CPEB1: variants seen among roughly 807,000 people sequenced by gnomAD.
The protein encoded by CPEB1 is cytoplasmic polyadenylation element-binding protein 1.
A neutral mutation model predicts 65.8 loss-of-function variants in CPEB1; 7 were observed. The ratio of observed to expected loss-of-function variants is 0.11; its 90% CI spans 0.06 to 0.20. The LOEUF (loss-of-function observed/expected upper bound fraction) is 0.20, where lower values mean the gene tolerates loss of function less well. CPEB1 is among the 10% of genes least tolerant of loss of function. The pLI, the probability that CPEB1 is intolerant of heterozygous loss-of-function variation, is 1.00. For synonymous variants in CPEB1, 262 were observed against 260.0 expected (o/e 1.01, Z -0.08); for missense variants, 551 against 712.2 (o/e 0.77, Z 2.58).
intron 3 of CPEB1, among the ~76,000 whole-genome samples, chr15:82,578,111 G>A (rs903291878): frequency 6.6e-6 from 1 of 152,124 alleles, no homozygotes; most frequent in Non-Finnish European, 1.5e-5. Flanking sequence ...CTGCACTCCA[G>A]CCTGGGCAAC....
At chr15:82,578,841 T>C (rs1180960510) in intron 3 of CPEB1, among the ~76,000 whole-genome samples, 1 of 152,202 alleles carries the variant, frequency 6.6e-6, no homozygotes, top group African/African-American at 2.4e-5. Context: ...TGTTTTGTTT[T>C]GTTTTTTGAG....
intron 2 of CPEB1, among the ~76,000 whole-genome samples, 173 bp from the exon 3 acceptor site, chr15:82,627,540 A>T (rs963444630): frequency 2.0e-5 from 3 of 152,220 alleles, no homozygotes; most frequent in Non-Finnish European, 4.4e-5. Context: ...AGAAAAAAAT[A>T]CCAAAATATT....
At chr15:82,635,998 G>A (rs1437382699) in intron 1 of CPEB1, among the ~76,000 whole-genome samples, 2 of 152,104 alleles carry the variant, frequency 1.3e-5, no homozygotes, top group African/African-American at 2.4e-5. Context: ...TCCTTCCTGT[G>A]TCGGAAAGAT....
At chr15:82,573,216 A>T in intron 3 of CPEB1, 2 of 1,449,764 alleles carry the variant, frequency 1.4e-6, no homozygotes, top group Non-Finnish European at 1.8e-6. Context: ...GAAAATTATC[A>T]GTCTCCTTCC....
intron 3 of CPEB1, among the ~76,000 whole-genome samples, chr15:82,590,187 A>G (rs1438751977): frequency 8.0e-6 from 1 of 124,676 alleles, no homozygotes. Flanking sequence ...GTCTTTTCCT[A>G]TGTGTCCCCT....
chr15:82,565,426 A>T (rs1279973169), intron 4 of CPEB1, among the ~76,000 whole-genome samples: 1 of 152,172 alleles, frequency 6.6e-6, no homozygotes, highest in Non-Finnish European at 1.5e-5. Flanking sequence ...ACCGATTTCC[A>T]CCAGCTGGGA....
At chr15:82,644,495 A>G (rs1388472258) in intron 1 of CPEB1, among the ~76,000 whole-genome samples, 1 of 152,226 alleles carries the variant, frequency 6.6e-6, no homozygotes, top group African/African-American at 2.4e-5. Flanking sequence ...ACTAGCCTTC[A>G]GGTTGAATCC....
intron 10 of CPEB1, 52 bp from the exon 11 acceptor site, chr15:82,547,289 CTTTTTTTTT>C (rs71156035): frequency 1.5e-5 from 6 of 389,202 alleles, no homozygotes; most frequent in East Asian, 4.6e-5. Context: ...CCAAATGCTA[CTTTTTTTTT>C]TTTTTTTTTT....
chr15:82,628,730 A>G lies in CPEB1; in HGVS notation c.-97-174T>C, dbSNP rs568092946. ...TGCCACCCCTGAGAGAGCAAGACCAATCAATCCTTCCTCTTCCTCGGCCTG... is the reference window on the plus strand; with the variant it reads ...TGCCACCCCTGAGAGAGCAAGACCAGTCAATCCTTCCTCTTCCTCGGCCTG... On this transcript the variant is annotated intron_variant, in intron 1 of 12. Coordinates refer to ENST00000684509, the MANE Select transcript of CPEB1 (RefSeq NM_001365242.1). The G allele has an allele frequency of 4.6e-5, 18 of 387,216 alleles. No individual in the cohort carries two copies. The South Asian group carries it at 8.2e-4, about 18-fold the overall frequency. 24.0% of individuals were successfully genotyped at this position (387,216 alleles called of 1,614,324 possible).
At chr15:82,641,899 T>C (rs930059846) in intron 1 of CPEB1, among the ~76,000 whole-genome samples, 5 of 152,108 alleles carry the variant, frequency 3.3e-5, no homozygotes, top group Non-Finnish European at 7.4e-5. Context: ...GGCAAAATAA[T>C]CCCTAACATT....
Position 82,553,486 on chromosome 15 carries a change from A to G in CPEB1, c.1125T>C (p.His375=). 1.2e-6 allele frequency: 2 copies of G among 1,613,850 alleles called. No homozygotes were observed. The highest frequency in any genetic ancestry group is 1.7e-6 in the Non-Finnish European group (2 of 1,179,840). Residue 375 remains histidine (H), a synonymous_variant, in exon 8 of 13, where the codon CAT becomes CAC. Transcript: ENST00000684509. ...SVEWPGKDGK[H]PRCPPKGYVY... The stretch of plus-strand genomic sequence containing the variant: ...TATTACCTTTGGGAGGACACCGGGG[A>G]TGCTTGCCATCCTTACCAGGCCACT...
intron 3 of CPEB1, among the ~76,000 whole-genome samples, chr15:82,588,805 T>TTTTATGAAC (rs2042003435): frequency 6.6e-6 from 1 of 152,158 alleles, no homozygotes; most frequent in Non-Finnish European, 1.5e-5. Flanking sequence ...CTTACCAAAT[T>TTTTATGAAC]TTACTTTTTA....
At chr15:82,590,860 C>T (rs1165677401) in intron 3 of CPEB1, among the ~76,000 whole-genome samples, 1 of 152,182 alleles carries the variant, frequency 6.6e-6, no homozygotes, top group Non-Finnish European at 1.5e-5. Context: ...TTCTTCACGG[C>T]TGTGTGTAGT....
intron 4 of CPEB1, among the ~76,000 whole-genome samples, chr15:82,569,141 T>C (rs1643705342): frequency 1.3e-5 from 2 of 152,200 alleles, no homozygotes; most frequent in African/African-American, 4.8e-5. Context: ...CACTGGAATG[T>C]GGGCTGCATG....
At chr15:82,608,865 A>G (rs995892848) in intron 3 of CPEB1, among the ~76,000 whole-genome samples, 1 of 152,236 alleles carries the variant, frequency 6.6e-6, no homozygotes, top group African/African-American at 2.4e-5. Context: ...CAGACACAAG[A>G]TATTTCAATC....
intron 3 of CPEB1, among the ~76,000 whole-genome samples, chr15:82,586,121 T>C (rs1356223046): frequency 1.3e-5 from 2 of 152,152 alleles, no homozygotes; most frequent in African/African-American, 2.4e-5. Flanking sequence ...AGGTGGTTTC[T>C]GGCCTAATAG....
chr15:82,647,938 A>C, upstream of CPEB1: 1 of 1,183,742 alleles, frequency 8.4e-7, no homozygotes, highest in Non-Finnish European at 1.1e-6. Flanking sequence ...ACGCGCACGC[A>C]CGTGGGCACT....
chr15:82,629,718 A>T (rs1316483535), intron 1 of CPEB1: 2 of 985,440 alleles, frequency 2.0e-6, no homozygotes, highest in Admixed American at 1.2e-4. Context: ...CAGACCAAGT[A>T]ATGAAACTGG....
chr15:82,567,049 A>C (rs1050727578), intron 4 of CPEB1, among the ~76,000 whole-genome samples: 2 of 152,172 alleles, frequency 1.3e-5, no homozygotes, highest in African/African-American at 2.4e-5. Flanking sequence ...AATATGTATT[A>C]GACAGCCATT....
Sources: gnomAD v4.1 joint callset for allele counts (sites outside exome capture counted in the v4.1 genomes callset) on GRCh38, gnomAD v4.1.1 for gene constraint, MANE v1.5 for transcripts, NCBI Gene and HGNC (gene_info 2026-07-23, HGNC 2026-07-21) for gene names.